ZNF131: variants seen among roughly 807,000 people sequenced by gnomAD.
The protein encoded by ZNF131 is zinc finger protein 131.
A neutral mutation model predicts 60.0 loss-of-function variants in ZNF131; 7 were observed. The observed-to-expected ratio is 0.12, with a 90% CI of 0.07 to 0.22. The LOEUF (loss-of-function observed/expected upper bound fraction) is 0.22. ZNF131 is among the 10% of genes least tolerant of loss of function. The pLI is 1.00. For synonymous variants in ZNF131, 257 were observed against 253.2 expected, an observed-to-expected ratio of 1.01 and a Z score of -0.14; for missense variants, 493 against 740.9, an observed-to-expected ratio of 0.67 and a Z score of 3.88.
intron 5 of ZNF131, among the ~76,000 whole-genome samples, chr5:43,162,472 G>A (rs2111966474): frequency 6.6e-6 from 1 of 151,626 alleles, no homozygotes; most frequent in African/African-American, 2.4e-5. Context: ...GGCACTCATA[G>A]TCCCAGCTAC....
chr5:43,168,194 C>G lies in ZNF131; in HGVS notation c.1055-5124C>G, dbSNP rs143260771. On this transcript the variant is annotated intron_variant, in intron 5 of 6. Coordinates refer to ENST00000682664, the MANE Select transcript of ZNF131 (RefSeq NM_001330707.2). ...ATCACCTCTTAAAGGTCCTACCTCTCAATACTACCATATTGGGGTTTCGGT... is the reference window on the plus strand; with the variant it reads ...ATCACCTCTTAAAGGTCCTACCTCTGAATACTACCATATTGGGGTTTCGGT... Among the ~76,000 whole-genome samples, 92 of 152,342 alleles carry G rather than the reference C, an allele frequency of 6.0e-4. 1 individual carries two copies. In the East Asian group the frequency reaches 0.016, roughly 27 times the overall value.
rs765972197 is a variant in ZNF131, at chr5:43,122,641, G to C, written c.124+464G>C. Among the ~76,000 whole-genome samples, 8 of 152,094 alleles carry C rather than the reference G, an allele frequency of 5.3e-5. No individual in the cohort carries two copies. In the South Asian group the frequency reaches 1.0e-3, roughly 20 times the overall value. On this transcript the variant is annotated intron_variant, in intron 2 of 6. Coordinates refer to ENST00000682664, the MANE Select transcript of ZNF131 (RefSeq NM_001330707.2). ...TTTGAGAATCTCCAAAATAAAATGG[G>C]GTCTTTACCAGCCTTAGGAGTTGCC... is the stretch of plus-strand genomic sequence containing the variant.
At chr5:43,166,269 G>A (rs564419044) in intron 5 of ZNF131, among the ~76,000 whole-genome samples, 2 of 152,236 alleles carry the variant, frequency 1.3e-5, no homozygotes, top group East Asian at 3.9e-4. Context: ...TGGCATAGGA[G>A]ACCTGGCTTT....
intron 4 of ZNF131, among the ~76,000 whole-genome samples, chr5:43,156,446 G>T (rs891316948): frequency 2.0e-5 from 3 of 152,178 alleles, no homozygotes; most frequent in African/African-American, 4.8e-5. Context: ...GAAAGGAGAG[G>T]GTAGAGGAGG....
At chr5:43,160,192 A>AC (rs1285459942) in intron 4 of ZNF131, among the ~76,000 whole-genome samples, 10 of 148,302 alleles carry the variant, frequency 6.7e-5, no homozygotes, top group Admixed American at 2.0e-4. Flanking sequence ...ACAAAACAAA[A>AC]AAAAAAACAA....
Position 43,175,558 on chromosome 5 carries a change from A to G in ZNF131, c.*425A>G, listed in dbSNP as rs1461357705. ...TGCATGTTAGAAAATTGAATAATAT[A>G]GGAAACACAAGGCTGCATGATGAAA... On this transcript the variant is annotated 3_prime_UTR_variant, in exon 7 of 7. Transcript: ENST00000682664. The G allele has an allele frequency of 1.5e-6, 1 of 662,480 alleles. No individual in the cohort carries two copies. The highest frequency in any genetic ancestry group is 2.7e-6 in the Non-Finnish European group (1 of 370,694). The allele number at this position is 662,480 out of a possible 1,614,324, so 41.0% of individuals were successfully genotyped here. A position where few individuals can be genotyped will look rare whatever the true frequency, so the allele number is the denominator to read the frequency against.
Position 43,148,061 on chromosome 5 carries a change from T to C in ZNF131, c.371+8752T>C, listed in dbSNP as rs570976959. Among the ~76,000 whole-genome samples, 464 of 140,060 alleles carry C rather than the reference T, an allele frequency of 3.3e-3. 4 individuals carry two copies. The highest frequency in any genetic ancestry group is 0.011 in the African/African-American group (429 of 38,850). 91.9% of individuals were successfully genotyped at this position (140,060 alleles called of 152,430 possible). A position where few individuals can be genotyped will look rare whatever the true frequency, so the allele number is the denominator to read the frequency against. Reference sequence around the variant, plus strand: ...AAGAGTGCTTTTTTTTTTTTTTTTTTCTGGAAAAAAGAAAAAAGTAGTTTT... The same window carrying C: ...AAGAGTGCTTTTTTTTTTTTTTTTTCCTGGAAAAAAGAAAAAAGTAGTTTT... On this transcript the variant is annotated intron_variant, in intron 4 of 6. Transcript: ENST00000682664.
chr5:43,128,374 G>A (rs1257443550), intron 3 of ZNF131, among the ~76,000 whole-genome samples: 1 of 152,066 alleles, frequency 6.6e-6, no homozygotes, highest in Non-Finnish European at 1.5e-5. Context: ...AAGCACCTGG[G>A]AGCTGGGCAT....
intron 4 of ZNF131, among the ~76,000 whole-genome samples, chr5:43,141,436 T>A (rs1746809202): frequency 6.6e-6 from 1 of 152,116 alleles, no homozygotes; most frequent in Non-Finnish European, 1.5e-5. Flanking sequence ...TTGCTGCTCA[T>A]GATAGTGAGT....
intron 5 of ZNF131, among the ~76,000 whole-genome samples, chr5:43,163,570 C>T (rs1000360560): frequency 1.3e-5 from 2 of 152,220 alleles, no homozygotes; most frequent in Non-Finnish European, 2.9e-5. Flanking sequence ...TTGCTTGCTC[C>T]CACTCCCCGA....
At chr5:43,135,430 A>G (rs574800153) in intron 3 of ZNF131, among the ~76,000 whole-genome samples, 2 of 152,138 alleles carry the variant, frequency 1.3e-5, no homozygotes, top group Admixed American at 6.5e-5. Context: ...GGTGAGAGAC[A>G]TGCAATACTG....
chr5:43,123,214 C>T lies in ZNF131; in HGVS notation c.130C>T (p.His44Tyr). Residue 44 changes from histidine to tyrosine, a missense_variant, in exon 3 of 7, where the codon CAT (histidine) becomes TAT (tyrosine). Physicochemically the swap from His to Tyr is moderately conservative, Grantham distance 83. Around this residue, in one of 7 missense-constraint regions of ZNF131, gnomAD observed 66 missense variants for 148.0 expected, o/e 0.45. Transcript: ENST00000682664. ...TDITLIVDGH[H>Y]FKAHKAVLAA... The stretch of plus-strand genomic sequence containing the variant: ...TTTTTTCTTATTTTACCTAGGACAC[C>T]ATTTTAAGGCTCACAAGGCTGTTTT... 1 of 1,598,390 alleles carries T rather than the reference C, an allele frequency of 6.3e-7. No homozygotes were observed. The highest frequency in any genetic ancestry group is 2.2e-5 in the East Asian group (1 of 44,602).
At chr5:43,128,701 A>C (rs372486989) in intron 3 of ZNF131, among the ~76,000 whole-genome samples, 379 of 151,780 alleles carry the variant, frequency 2.5e-3, no homozygotes, top group African/African-American at 8.5e-3. Flanking sequence ...CTCATAATAA[A>C]AAAAACAAAA....
In ZNF131 at chr5:43,161,477, A is replaced by G. The variant is rs747577683; in HGVS notation, c.600A>G (p.Ile200Met). The change falls in exon 5 of 7, where the codon ATA becomes ATG. Residue 200 changes from isoleucine to methionine, a missense_variant. Coordinates refer to ENST00000682664, the MANE Select transcript of ZNF131 (RefSeq NM_001330707.2). ...VASAKQSVKY[I>M]QSTGSSDDSA... The stretch of plus-strand genomic sequence containing the variant: ...CTGCCAAGCAGTCCGTAAAGTACAT[A>G]CAGAGCACAGGTTCCTCTGATGATT... 4 of 1,614,266 alleles carry G rather than the reference A, an allele frequency of 2.5e-6. No individual in the cohort carries two copies. The highest frequency in any genetic ancestry group is 3.4e-6 in the Non-Finnish European group (4 of 1,180,052).
At chr5:43,170,692 G>A (rs1421387729) in intron 5 of ZNF131, among the ~76,000 whole-genome samples, 1 of 151,036 alleles carries the variant, frequency 6.6e-6, no homozygotes, top group African/African-American at 2.4e-5. Flanking sequence ...GAGTGCAGTG[G>A]TGCAATCTCG....
At chr5:43,128,639 A>G (rs1178514121) in intron 3 of ZNF131, among the ~76,000 whole-genome samples, 4 of 138,544 alleles carry the variant, frequency 2.9e-5, no homozygotes, top group African/African-American at 1.1e-4. Context: ...CCTGGGCGAC[A>G]GAGCGAGACT....
chr5:43,164,891 C>T (rs1618891), intron 5 of ZNF131, among the ~76,000 whole-genome samples: 42,396 of 152,122 alleles, frequency 0.28, 6,451 homozygotes, highest in East Asian at 0.63. Context: ...TGTTTTTTAA[C>T]TTCAACCAAT....
At chr5:43,124,416 C>T (rs928836190) in intron 3 of ZNF131, 1 of 151,758 alleles carries the variant, frequency 6.6e-6, no homozygotes, top group African/African-American at 2.4e-5. Flanking sequence ...CTAGAAACTC[C>T]TTTTTTCCCT....
chr5:43,152,728 T>C (rs1748481257), intron 4 of ZNF131, among the ~76,000 whole-genome samples: 2 of 152,106 alleles, frequency 1.3e-5, no homozygotes, highest in African/African-American at 4.8e-5. Context: ...CACCTCAGCC[T>C]CCCAAAGGAG....
Sources: gnomAD v4.1 joint callset for allele counts (sites outside exome capture counted in the v4.1 genomes callset) on GRCh38, gnomAD v4.1.1 for gene constraint, gnomAD v4.1.1 regional missense constraint, MANE v1.5 for transcripts, NCBI Gene and HGNC (gene_info 2026-07-23, HGNC 2026-07-21) for gene names.